Variants in HMGN5 observed in about 807,000 individuals in gnomAD.
HMGN5 encodes high mobility group nucleosome binding domain 5, also known as high mobility group nucleosome-binding domain-containing protein 5.
In HMGN5, 4 loss-of-function variants were observed where a neutral mutation model predicts 9.5. That is an observed-to-expected ratio of 0.42 (90% CI 0.21 to 0.96). The LOEUF (loss-of-function observed/expected upper bound fraction) is 0.96, where lower values mean the gene tolerates loss of function less well. Ranked by LOEUF, HMGN5 falls within the 40% of genes least tolerant of loss-of-function variation. The pLI is 0.30. For synonymous variants in HMGN5, 55 were observed against 57.1 expected (o/e 0.96, Z 0.16); for missense variants, 192 against 187.5 (o/e 1.02, Z -0.14).
At chrX:81,167,702 G>C (rs1389628698) in intron 1 of HMGN5, among the ~76,000 whole-genome samples, 9 of 112,164 alleles carry the variant, frequency 8.0e-5, no homozygotes, top group Non-Finnish European at 1.1e-4. Flanking sequence ...GTTAAAAATA[G>C]TAAGCCAGGA....
chrX:81,189,456 A>C (rs1335674513), intron 1 of HMGN5, among the ~76,000 whole-genome samples: 1 of 111,943 alleles, frequency 8.9e-6, no homozygotes, highest in Admixed American at 9.5e-5. Flanking sequence ...CCTTTTCCAT[A>C]ATGTCCCATA....
intron 1 of HMGN5, among the ~76,000 whole-genome samples, chrX:81,129,890 G>A (rs987924881): frequency 4.5e-5 from 5 of 110,863 alleles, no homozygotes; most frequent in African/African-American, 1.6e-4. Flanking sequence ...TAAACTTTTG[G>A]CCTGTAATTT....
intron 1 of HMGN5, among the ~76,000 whole-genome samples, chrX:81,165,621 G>T (rs1345343278): frequency 1.8e-5 from 2 of 111,152 alleles, no homozygotes; most frequent in Non-Finnish European, 3.8e-5. Flanking sequence ...TGAGACTGGG[G>T]TCTCTTCAAG....
chrX:81,150,327 G>A (rs1254887400), intron 1 of HMGN5, among the ~76,000 whole-genome samples: 1 of 111,584 alleles, frequency 9.0e-6, no homozygotes, highest in East Asian at 2.8e-4. Flanking sequence ...ACTTTGGGAG[G>A]CCGAGGCGGG....
intron 1 of HMGN5, among the ~76,000 whole-genome samples, chrX:81,142,101 A>T (rs187675786): frequency 8.9e-6 from 1 of 112,083 alleles, no homozygotes; most frequent in East Asian, 2.8e-4. Context: ...AGCAGAACTG[A>T]TCAACCAGAA....
intron 5 of HMGN5, among the ~76,000 whole-genome samples, chrX:81,118,001 C>T (rs997442660): frequency 7.3e-5 from 8 of 109,584 alleles, no homozygotes; most frequent in African/African-American, 2.6e-4. Context: ...TATGCAAATA[C>T]ATCTTACATA....
intron 1 of HMGN5, among the ~76,000 whole-genome samples, chrX:81,146,498 G>A (rs1447536722): frequency 1.8e-5 from 2 of 111,734 alleles, no homozygotes; most frequent in African/African-American, 6.5e-5. Context: ...ATTTAAAGCA[G>A]TGTGTAGAGG....
At chrX:81,128,116 C>T (rs1387155977) in intron 1 of HMGN5, among the ~76,000 whole-genome samples, 1 of 110,758 alleles carries the variant, frequency 9.0e-6, no homozygotes, top group Non-Finnish European at 1.9e-5. Flanking sequence ...CTCACATTTA[C>T]TTGTTTTTCA....
chrX:81,193,469 G>C (rs1196372048), intron 1 of HMGN5, among the ~76,000 whole-genome samples: 1 of 112,185 alleles, frequency 8.9e-6, no homozygotes, highest in Non-Finnish European at 1.9e-5. Context: ...CAGTAGAGAA[G>C]AGACAAGTAG....
intron 1 of HMGN5, among the ~76,000 whole-genome samples, chrX:81,132,753 C>A (rs1052974756): frequency 1.8e-5 from 2 of 111,583 alleles, no homozygotes; most frequent in Non-Finnish European, 3.8e-5. Flanking sequence ...TAAAAGACAA[C>A]ATAGGCAATG....
chrX:81,170,083 A>G (rs2075421751), intron 1 of HMGN5, among the ~76,000 whole-genome samples: 1 of 105,491 alleles, frequency 9.5e-6, no homozygotes. Flanking sequence ...ACCATGGAGG[A>G]GTACCACCAG....
chrX:81,160,358 TTTTA>T (rs913890836), intron 1 of HMGN5, among the ~76,000 whole-genome samples: 1 of 111,188 alleles, frequency 9.0e-6, no homozygotes, highest in Non-Finnish European at 1.9e-5. Flanking sequence ...TTTTCTTGCT[TTTTA>T]TTTATTTATT....
In HMGN5 at chrX:81,150,092, C is replaced by T. The variant is rs779416909; in HGVS notation, c.-123-28420G>A. On this transcript the variant is annotated intron_variant, in intron 1 of 6. Coordinates refer to ENST00000358130, the MANE Select transcript of HMGN5 (RefSeq NM_030763.3). ...GATATTTACAGAACACTTCATTCAT[C>T]GGCTGCAGAATACACATTCTTTTCC... Among the ~76,000 whole-genome samples, 205 of 112,234 alleles carry T rather than the reference C, an allele frequency of 1.8e-3. 1 individual carries two copies. The highest frequency in any genetic ancestry group is 6.1e-3 in the African/African-American group (190 of 30,939).
intron 1 of HMGN5, among the ~76,000 whole-genome samples, chrX:81,150,666 A>G (rs949869610): frequency 6.2e-5 from 7 of 112,461 alleles, no homozygotes; most frequent in African/African-American, 2.3e-4. Flanking sequence ...AGAAAGCAAA[A>G]CAAAAGATCA....
At chrX:81,122,158 T>G (rs1392820626) in intron 1 of HMGN5, among the ~76,000 whole-genome samples, 1 of 110,967 alleles carries the variant, frequency 9.0e-6, no homozygotes, top group East Asian at 2.9e-4. Flanking sequence ...CGCAAAAGAG[T>G]GGAGATGTTT....
intron 1 of HMGN5, among the ~76,000 whole-genome samples, chrX:81,186,612 T>C (rs2075478153): frequency 8.9e-6 from 1 of 111,995 alleles, no homozygotes; most frequent in African/African-American, 3.2e-5. Flanking sequence ...TCAGCTCTGA[T>C]ATCATTTCTT....
chrX:81,158,795 T>G (rs1201866107), intron 1 of HMGN5, among the ~76,000 whole-genome samples: 1 of 112,202 alleles, frequency 8.9e-6, no homozygotes, highest in Non-Finnish European at 1.9e-5. Context: ...TTTATAGTTT[T>G]GGGTTTTACA....
intron 1 of HMGN5, among the ~76,000 whole-genome samples, chrX:81,173,974 T>A: frequency 8.9e-6 from 1 of 111,739 alleles, no homozygotes; most frequent in Non-Finnish European, 1.9e-5. Flanking sequence ...TGGAGATATG[T>A]GTTAAATTAA....
chrX:81,117,086 G>A (rs1338951705), intron 5 of HMGN5, among the ~76,000 whole-genome samples: 1 of 110,781 alleles, frequency 9.0e-6, no homozygotes, highest in African/African-American at 3.3e-5. Context: ...GATGTTACAA[G>A]GAGAAAATGA....
Sources: allele counts gnomAD v4.1 joint callset (sites outside exome capture counted in the v4.1 genomes callset), GRCh38; gene constraint gnomAD v4.1.1; transcripts MANE v1.5; gene names NCBI Gene and HGNC (gene_info 2026-07-23, HGNC 2026-07-21).